The following IFT70A variants were observed in gnomAD, a reference collection of about 807,000 sequenced individuals.
IFT70A encodes the protein intraflagellar transport protein 70A.
At chr2:177,618,069 G>A in the IFT70A span, 2 of 1,614,214 alleles carry the variant, frequency 1.2e-6, no homozygotes, top group East Asian at 2.2e-5. Context: ...TAATCTCAGC[G>A]ATATGCTTCA....
chr2:177,616,653 A>T, the IFT70A span: 1 of 1,423,134 alleles, frequency 7.0e-7, no homozygotes, highest in East Asian at 2.4e-5. Flanking sequence ...AGATAAAAAA[A>T]AGTGTGGTAC....
chr2:177,618,366 G>C, the IFT70A span: 9 of 1,613,472 alleles, frequency 5.6e-6, no homozygotes, highest in Non-Finnish European at 7.6e-6. Context: ...GGACCCGGCT[G>C]TGGTAGGCGG....
chr2:177,615,226 G>A, the IFT70A span: 1 of 152,262 alleles, frequency 6.6e-6, no homozygotes, highest in East Asian at 1.9e-4. Context: ...TTAGAAGCAG[G>A]AGAGGCTCTA....
chr2:177,617,793 T>C, the IFT70A span: 1 of 1,614,140 alleles, frequency 6.2e-7, no homozygotes, highest in Non-Finnish European at 8.5e-7. Flanking sequence ...CAAACCCTTC[T>C]GTAGGCCTGG....
chr2:177,618,522 C>A, the IFT70A span: 2 of 1,589,264 alleles, frequency 1.3e-6, no homozygotes, highest in Admixed American at 3.6e-5. Flanking sequence ...CCAGCGCGAA[C>A]TCCTGCAGGC....
the IFT70A span, chr2:177,613,495 AGTGTAT>A: frequency 6.6e-6 from 1 of 152,182 alleles, no homozygotes; most frequent in East Asian, 1.9e-4. Flanking sequence ...TATACACTAT[AGTGTAT>A]GGTTTTGGAA....
At chr2:177,617,546 G>A in the IFT70A span, 2 of 1,614,120 alleles carry the variant, frequency 1.2e-6, no homozygotes, top group Non-Finnish European at 1.7e-6. Flanking sequence ...TGCTCAGTCA[G>A]CATCCCTGCT....
chr2:177,613,176 AAC>A, the IFT70A span: 31 of 152,220 alleles, frequency 2.0e-4, no homozygotes, highest in Non-Finnish European at 8.8e-5. Context: ...ATTTTGTGAA[AAC>A]AGTTTAATGG....
At chr2:177,617,703 A>C in the IFT70A span, 9 of 1,614,234 alleles carry the variant, frequency 5.6e-6, no homozygotes, top group Non-Finnish European at 7.6e-6. Context: ...CAAAATACTC[A>C]TATTTACAGT....
At chr2:177,618,452 A>G in the IFT70A span, 1 of 1,601,530 alleles carries the variant, frequency 6.2e-7, no homozygotes, top group Non-Finnish European at 8.5e-7. Flanking sequence ...TGGGCCTGGT[A>G]CAGGCGGTAC....
the IFT70A span, chr2:177,614,935 C>T: frequency 6.6e-6 from 1 of 152,176 alleles, no homozygotes; most frequent in Admixed American, 6.5e-5. Flanking sequence ...TGCATGGCCT[C>T]TTCTCCTTGT....
the IFT70A span, chr2:177,617,787 C>T: frequency 6.2e-7 from 1 of 1,614,156 alleles, no homozygotes; most frequent in African/African-American, 1.3e-5. Context: ...GCTTTTCAAA[C>T]CCTTCTGTAG....
At chr2:177,613,002 C>T in the IFT70A span, 2 of 152,186 alleles carry the variant, frequency 1.3e-5, no homozygotes, top group Non-Finnish European at 2.9e-5. Flanking sequence ...TTTACAATTT[C>T]CCATTTTATA....
chr2:177,617,624 C>A, the IFT70A span: 1 of 1,614,218 alleles, frequency 6.2e-7, no homozygotes, highest in Non-Finnish European at 8.5e-7. Flanking sequence ...TCTAAGAAGT[C>A]ATAGAGATAG....
the IFT70A span, chr2:177,617,459 C>T: frequency 1.2e-6 from 2 of 1,613,580 alleles, no homozygotes; most frequent in East Asian, 4.5e-5. Context: ...TCATCATATT[C>T]ATTCACTGCC....
the IFT70A span, chr2:177,617,545 A>T: frequency 6.2e-7 from 1 of 1,614,248 alleles, no homozygotes; most frequent in African/African-American, 1.3e-5. Context: ...CTGCTCAGTC[A>T]GCATCCCTGC....
the IFT70A span, chr2:177,618,596 G>C: frequency 6.9e-6 from 11 of 1,605,034 alleles, no homozygotes; most frequent in East Asian, 4.5e-5. Context: ...TGCAGTTCTC[G>C]GCCCAGCAGC....
the IFT70A span, chr2:177,615,842 T>G: frequency 6.6e-6 from 1 of 152,158 alleles, no homozygotes; most frequent in African/African-American, 2.4e-5. Context: ...ATACTTTTAT[T>G]CTTCTCATTC....
the IFT70A span, chr2:177,618,427 G>A: frequency 1.2e-6 from 2 of 1,610,918 alleles, no homozygotes; most frequent in South Asian, 1.1e-5. Context: ...ATAAAGGCAG[G>A]CCTTGTACAG....
Sources: gnomAD v4.1 joint callset for allele counts on GRCh38, gnomAD v4.1.1 for gene constraint, MANE v1.5 for transcripts, NCBI Gene and HGNC (gene_info 2026-07-23, HGNC 2026-07-21) for gene names.